WWOX: variants seen among roughly 807,000 people sequenced by gnomAD.
WWOX encodes WW domain-containing oxidoreductase.
Under a neutral mutation model 46.2 loss-of-function variants are expected in WWOX, and 69 were observed. The observed-to-expected ratio is 1.49, with a 90% CI of 1.23 to 1.82. The LOEUF is 1.82. WWOX is among the 40% of genes most tolerant of loss of function. The pLI, the probability that WWOX is intolerant of heterozygous loss-of-function variation, is 0.00. For missense variants in WWOX, 919 were observed against 542.6 expected, an observed-to-expected ratio of 1.69 and a Z score of -6.89; for synonymous variants, 359 against 202.6, an observed-to-expected ratio of 1.77 and a Z score of -6.56.
intron 8 of WWOX, among the ~76,000 whole-genome samples, chr16:79,037,703 C>T (rs1441444252): frequency 6.6e-6 from 1 of 152,134 alleles, no homozygotes; most frequent in Non-Finnish European, 1.5e-5. Flanking sequence ...CAATCGCAAG[C>T]CAGGTAAATA....
chr16:78,922,483 A>G (rs2151271448), intron 8 of WWOX, among the ~76,000 whole-genome samples: 1 of 151,262 alleles, frequency 6.6e-6, no homozygotes, highest in East Asian at 1.9e-4. Context: ...GGTTCAAGCG[A>G]TTCTCGTGCC....
Position 78,099,838 on chromosome 16 carries a change from G to C in WWOX, c.60G>C (p.Pro20=), listed in dbSNP as rs376165565. 117 of 1,582,228 alleles carry C rather than the reference G, an allele frequency of 7.4e-5. No individual in the cohort carries two copies. In the African/African-American group the frequency reaches 1.4e-3, roughly 20 times the overall value. The change falls in exon 1 of 9, where the codon CCG becomes CCC. Residue 20 remains proline, a synonymous_variant. Coordinates refer to ENST00000566780, the MANE Select transcript of WWOX (RefSeq NM_016373.4). ...CGGACAGTGAGGACGAGCTGCCTCC[G>C]GGCTGGGAGGAGAGAACCACCAAGG... ...DDTDSEDELP[P]GWEERTTKDG...
At chr16:78,498,235 G>C (rs528400202) in intron 8 of WWOX, among the ~76,000 whole-genome samples, 95 of 138,870 alleles carry the variant, frequency 6.8e-4, no homozygotes, top group African/African-American at 2.1e-3. Context: ...AAAGCATCAG[G>C]GTTGTCACCA....
intron 8 of WWOX, among the ~76,000 whole-genome samples, chr16:78,817,458 G>A (rs966511513): frequency 2.0e-5 from 3 of 152,082 alleles, no homozygotes; most frequent in South Asian, 4.1e-4. Context: ...AAGATCTATC[G>A]GAAGAGTTGG....
chr16:78,275,688 G>A (rs1408469417), intron 5 of WWOX, among the ~76,000 whole-genome samples: 1 of 152,186 alleles, frequency 6.6e-6, no homozygotes, highest in African/African-American at 2.4e-5. Flanking sequence ...AAGGGAGGAG[G>A]GAGGAGGTTG....
At chr16:78,685,410 A>G (rs753539929) in intron 8 of WWOX, among the ~76,000 whole-genome samples, 8 of 152,106 alleles carry the variant, frequency 5.3e-5, no homozygotes, top group Admixed American at 1.3e-4. Flanking sequence ...AAGTCTGTCT[A>G]TGGTAGATCT....
chr16:78,673,033 A>G (rs181876500), intron 8 of WWOX, among the ~76,000 whole-genome samples: 45 of 152,290 alleles, frequency 3.0e-4, no homozygotes, highest in African/African-American at 1.1e-3. Context: ...AAACCCGTCA[A>G]TGGGGTGAAG....
At chr16:78,735,402 C>CAA (rs2049065789) in intron 8 of WWOX, among the ~76,000 whole-genome samples, 1 of 147,816 alleles carries the variant, frequency 6.8e-6, no homozygotes, top group African/African-American at 2.6e-5. Context: ...CAAACACACA[C>CAA]ACACACACAC....
chr16:78,419,345 A>G (rs2082870423), intron 6 of WWOX, among the ~76,000 whole-genome samples: 1 of 152,126 alleles, frequency 6.6e-6, no homozygotes, highest in Non-Finnish European at 1.5e-5. Flanking sequence ...AAGCTTGAAA[A>G]AGAAGAGTGT....
intron 8 of WWOX, among the ~76,000 whole-genome samples, chr16:78,926,153 C>T (rs898979622): frequency 6.6e-6 from 1 of 152,100 alleles, no homozygotes; most frequent in African/African-American, 2.4e-5. Flanking sequence ...ATGGGTGGAT[C>T]ATTTGAGCCC....
chr16:78,159,672 G>GTTTTT (rs35468343), intron 4 of WWOX, among the ~76,000 whole-genome samples: 41 of 55,360 alleles, frequency 7.4e-4, no homozygotes, highest in East Asian at 2.6e-3. Context: ...AAAATCTGTG[G>GTTTTT]TTTTTTTTTT....
At chr16:78,476,635 T>G (rs570774955) in intron 8 of WWOX, among the ~76,000 whole-genome samples, 109 of 151,294 alleles carry the variant, frequency 7.2e-4, no homozygotes, top group African/African-American at 2.5e-3. Context: ...AAAAAAGAAC[T>G]GGAGCATCGA....
intron 8 of WWOX, among the ~76,000 whole-genome samples, chr16:78,656,714 G>A (rs551864903): frequency 9.2e-5 from 14 of 152,212 alleles, no homozygotes; most frequent in South Asian, 2.1e-4. Flanking sequence ...CAACCATATC[G>A]GCACCCACTG....
chr16:78,826,562 T>G (rs112130923), intron 8 of WWOX, among the ~76,000 whole-genome samples: 3,176 of 152,326 alleles, frequency 0.021, 49 homozygotes, highest in Non-Finnish European at 0.027. Context: ...TGTGTTCCTT[T>G]CCTGTCTGCC....
At chr16:78,615,902 C>T (rs1207271660) in intron 8 of WWOX, among the ~76,000 whole-genome samples, 2 of 152,034 alleles carry the variant, frequency 1.3e-5, no homozygotes, top group African/African-American at 4.8e-5. Flanking sequence ...AGGCGCCCGC[C>T]ACCACACTCA....
At chr16:78,478,318 G>T (rs959713585) in intron 8 of WWOX, among the ~76,000 whole-genome samples, 2 of 151,994 alleles carry the variant, frequency 1.3e-5, no homozygotes, top group East Asian at 3.9e-4. Context: ...CTTCTCAGAC[G>T]GTTTAAAATT....
intron 8 of WWOX, among the ~76,000 whole-genome samples, chr16:79,178,922 G>C (rs1003160898): frequency 2.6e-5 from 4 of 152,192 alleles, no homozygotes; most frequent in African/African-American, 9.7e-5. Flanking sequence ...AGAAGACTGA[G>C]TATTATATTT....
At chr16:78,715,147 T>C (rs1281526178) in intron 8 of WWOX, among the ~76,000 whole-genome samples, 1 of 152,044 alleles carries the variant, frequency 6.6e-6, no homozygotes, top group African/African-American at 2.4e-5. Flanking sequence ...TTGTGATGAA[T>C]TAGGATTGGA....
intron 8 of WWOX, among the ~76,000 whole-genome samples, chr16:78,723,627 CTTT>C (rs1156317497): frequency 1.1e-4 from 6 of 53,008 alleles, no homozygotes; most frequent in African/African-American, 4.4e-4. Flanking sequence ...CTTTTCTTTT[CTTT>C]TTTCTTTTCT....
Sources: allele counts gnomAD v4.1 joint callset (sites outside exome capture counted in the v4.1 genomes callset), GRCh38; gene constraint gnomAD v4.1.1; transcripts MANE v1.5; gene names NCBI Gene and HGNC (gene_info 2026-07-23, HGNC 2026-07-21).